PHACTR1: variants seen among roughly 807,000 people sequenced by gnomAD.
The protein encoded by PHACTR1 is phosphatase and actin regulator 1.
A neutral mutation model predicts 69.2 loss-of-function variants in PHACTR1; 16 were observed. That is an observed-to-expected ratio of 0.23 (90% CI 0.16 to 0.35). The LOEUF is 0.35. PHACTR1 is among the 10% of genes least tolerant of loss of function. PHACTR1 has a pLI of 1.00. For missense variants in PHACTR1, 510 were observed against 734.7 expected (o/e 0.69, Z 3.54); for synonymous variants, 312 against 284.5 (o/e 1.10, Z -0.97).
chr6:13,124,761 C>T (rs560403955), intron 5 of PHACTR1, among the ~76,000 whole-genome samples: 1 of 152,332 alleles, frequency 6.6e-6, no homozygotes, highest in East Asian at 1.9e-4. Flanking sequence ...CTTTGGCTTG[C>T]AAACAGCCGC....
chr6:12,761,881 C>G (rs922682982), intron 4 of PHACTR1, among the ~76,000 whole-genome samples: 3 of 152,202 alleles, frequency 2.0e-5, no homozygotes, highest in African/African-American at 7.2e-5. Flanking sequence ...TAGGGCTGTT[C>G]ACTCCCTCCC....
intron 5 of PHACTR1, among the ~76,000 whole-genome samples, chr6:13,131,208 T>C (rs201214160): frequency 3.3e-4 from 49 of 146,448 alleles, no homozygotes; most frequent in African/African-American, 5.2e-4. Context: ...TATATACACA[T>C]ACACACACAC....
chr6:12,936,205 G>A (rs1484398299), intron 4 of PHACTR1, among the ~76,000 whole-genome samples: 1 of 152,104 alleles, frequency 6.6e-6, no homozygotes, highest in Non-Finnish European at 1.5e-5. Context: ...TCACTTCAAA[G>A]TAGTCTAAAG....
At chr6:13,229,979 C>T in intron 9 of PHACTR1, 58 bp from the exon 10 acceptor site, 7 of 1,511,078 alleles carry the variant, frequency 4.6e-6, no homozygotes, top group Non-Finnish European at 6.2e-6. Context: ...CAGGGTTGGC[C>T]CTGTGGGAGC....
chr6:12,953,808 GA>G (rs1168841761), intron 4 of PHACTR1, among the ~76,000 whole-genome samples: 1 of 152,214 alleles, frequency 6.6e-6, no homozygotes, highest in Non-Finnish European at 1.5e-5. Context: ...TAGAGAGTCA[GA>G]AGGAGGAGTA....
intron 4 of PHACTR1, among the ~76,000 whole-genome samples, chr6:13,023,016 C>G (rs1801201120): frequency 6.6e-6 from 1 of 151,632 alleles, no homozygotes; most frequent in Non-Finnish European, 1.5e-5. Context: ...GATCCTGTCT[C>G]AAAATAATAA....
At chr6:12,889,606 A>AT (rs545719455) in intron 4 of PHACTR1, among the ~76,000 whole-genome samples, 101 of 152,046 alleles carry the variant, frequency 6.6e-4, no homozygotes, top group African/African-American at 2.3e-3. Flanking sequence ...TTTCAGTGTT[A>AT]TTTTTTTGGC....
chr6:13,021,400 T>C (rs1401837327), intron 4 of PHACTR1, among the ~76,000 whole-genome samples: 1 of 152,242 alleles, frequency 6.6e-6, no homozygotes, highest in Non-Finnish European at 1.5e-5. Flanking sequence ...TATGGATATA[T>C]CACATGTATT....
intron 12 of PHACTR1, chr6:13,280,731 G>A: frequency 3.1e-6 from 1 of 327,756 alleles, no homozygotes; most frequent in East Asian, 8.6e-5. Context: ...AAAAAGACAT[G>A]CCTGCGGCCA....
intron 4 of PHACTR1, among the ~76,000 whole-genome samples, chr6:12,949,900 C>A (rs534016747): frequency 2.0e-5 from 3 of 152,172 alleles, no homozygotes; most frequent in Non-Finnish European, 4.4e-5. Flanking sequence ...CTCATCCCCA[C>A]GGCTGATAGA....
intron 5 of PHACTR1, among the ~76,000 whole-genome samples, chr6:13,139,235 T>C (rs1561886846): frequency 6.6e-6 from 1 of 151,736 alleles, no homozygotes; most frequent in Non-Finnish European, 1.5e-5. Context: ...CTATGACCCA[T>C]AGGCCAAATC....
intron 10 of PHACTR1, among the ~76,000 whole-genome samples, chr6:13,241,361 G>C (rs923027474): frequency 6.6e-6 from 1 of 152,146 alleles, no homozygotes; most frequent in Non-Finnish European, 1.5e-5. Flanking sequence ...GGAATTTGTT[G>C]AAAATGCATA....
At chr6:13,169,698 A>G (rs1760315692) in intron 6 of PHACTR1, among the ~76,000 whole-genome samples, 1 of 152,202 alleles carries the variant, frequency 6.6e-6, no homozygotes. Context: ...TGAGAAAAAG[A>G]TCAGGAATAA....
At chr6:13,205,108 G>C (rs1765714951) in intron 7 of PHACTR1, among the ~76,000 whole-genome samples, 1 of 152,182 alleles carries the variant, frequency 6.6e-6, no homozygotes. Context: ...TGGTGCTTCT[G>C]GTGAGGGCCT....
intron 4 of PHACTR1, among the ~76,000 whole-genome samples, chr6:13,033,328 T>C (rs904356356): frequency 5.3e-5 from 8 of 152,210 alleles, no homozygotes; most frequent in African/African-American, 1.7e-4. Context: ...ACTGTAGACA[T>C]GCATCTGTTT....
intron 3 of PHACTR1, among the ~76,000 whole-genome samples, chr6:12,729,665 AGAG>A (rs1296766928): frequency 6.6e-6 from 1 of 152,204 alleles, no homozygotes; most frequent in Non-Finnish European, 1.5e-5. Context: ...CAGCGAATAC[AGAG>A]GAGATGTTAT....
intron 4 of PHACTR1, among the ~76,000 whole-genome samples, chr6:12,780,932 T>G (rs1770740639): frequency 6.6e-6 from 1 of 152,186 alleles, no homozygotes; most frequent in Admixed American, 6.5e-5. Flanking sequence ...TAGTGCTTCC[T>G]CCTCAGCTCT....
chr6:12,830,092 GGAAAGAAAGAAAGAAAGAAAGAAAGAAA>G (rs201322567), intron 4 of PHACTR1, among the ~76,000 whole-genome samples: 1,509 of 109,128 alleles, frequency 0.014, 22 homozygotes, highest in East Asian at 0.049. Context: ...AAGGAAGGAG[GGAAAGAAAGAAAGAAAGAAAGAAAGAAA>G]GAAAGAAAGA....
intron 2 of PHACTR1, 37 bp from the exon 3 acceptor site, chr6:12,718,662 G>A (rs535018137): frequency 3.2e-5 from 19 of 602,484 alleles, no homozygotes; most frequent in South Asian, 1.2e-4. Flanking sequence ...TATACTTGAC[G>A]TCTAAAATAT....
Sources: allele counts gnomAD v4.1 joint callset (sites outside exome capture counted in the v4.1 genomes callset), GRCh38; gene constraint gnomAD v4.1.1; transcripts MANE v1.5; gene names NCBI Gene and HGNC (gene_info 2026-07-23, HGNC 2026-07-21).